GALR1: variants seen among roughly 807,000 people sequenced by gnomAD.
The protein encoded by GALR1 is galanin receptor 1.
In GALR1, 11 loss-of-function variants were observed where a neutral mutation model predicts 17.9. That is an observed-to-expected ratio of 0.62 (90% CI 0.39 to 1.02). The LOEUF (loss-of-function observed/expected upper bound fraction) is 1.02, where lower values mean the gene tolerates loss of function less well. Ranked by LOEUF, GALR1 falls within the 50% of genes least tolerant of loss-of-function variation. GALR1 has a pLI of 0.01. For synonymous variants in GALR1, 206 were observed against 205.7 expected (o/e 1.00, Z -0.01); for missense variants, 441 against 456.9 (o/e 0.97, Z 0.32).
chr18:77,258,749 G>C (rs922009894), intron 2 of GALR1, among the ~76,000 whole-genome samples: 2 of 144,650 alleles, frequency 1.4e-5, no homozygotes, highest in Non-Finnish European at 3.0e-5. Context: ...GATGGTTATG[G>C]TGGTGATGAT....
At position 77,250,354 on chromosome 18, in the gene GALR1, C is replaced by A. The variant is rs911403855; in HGVS notation, c.-195C>A. On this transcript the variant is annotated 5_prime_UTR_variant, in exon 1 of 3. Transcript: ENST00000299727. Reference sequence around the variant, plus strand: ...CCGAACCCACCCTCTCTCAGAAGGTCCCGGCGCAAAGACGGTGCCACCAGG... The same window carrying A: ...CCGAACCCACCCTCTCTCAGAAGGTACCGGCGCAAAGACGGTGCCACCAGG... 6.6e-6 allele frequency among the ~76,000 whole-genome samples: 1 copy of A among 152,182 alleles called. No homozygotes were observed. Among genetic ancestry groups the A allele is most frequent in the Non-Finnish European group, 1.5e-5 (1 of 68,012 alleles).
chr18:77,252,914 C>CCACCACCATCACCACCACCACCAT (rs1912473651), intron 1 of GALR1, among the ~76,000 whole-genome samples: 2 of 37,436 alleles, frequency 5.3e-5, no homozygotes, highest in Non-Finnish European at 1.3e-4. Context: ...ACCACCACCA[C>CCACCACCATCACCACCACCACCAT]CACCACCATC....
At chr18:77,255,549 C>T (rs1049763552) in intron 1 of GALR1, among the ~76,000 whole-genome samples, 1 of 152,048 alleles carries the variant, frequency 6.6e-6, no homozygotes, top group Non-Finnish European at 1.5e-5. Context: ...GGTGATTTGC[C>T]ATACGGAGAA....
intron 2 of GALR1, 60 bp from the exon 3 acceptor site, chr18:77,268,522 CCTT>C (rs1466997711): frequency 2.1e-5 from 23 of 1,083,972 alleles, no homozygotes; most frequent in South Asian, 8.9e-5. Flanking sequence ...GAATTTCCTT[CCTT>C]CTTCTTCTCC....
In GALR1 at chr18:77,249,969, G is replaced by T. The variant is rs1462918433; in HGVS notation, c.-580G>T. 6.6e-6 allele frequency among the ~76,000 whole-genome samples: 1 copy of T among 152,238 alleles called. No individual in the cohort carries two copies. Among genetic ancestry groups the T allele is most frequent in the Non-Finnish European group, 1.5e-5 (1 of 68,038 alleles). On this transcript the variant is annotated 5_prime_UTR_variant, in exon 1 of 3. Transcript: ENST00000299727. ...CGGAATCCCTGGAAAAGCCGGGAGG[G>T]AGTCGGAGGCGCCAGCCCACTGGGG...
In GALR1 at chr18:77,269,099, A is replaced by C. The variant is rs1278825899; in HGVS notation, c.*197A>C. On this transcript the variant is annotated 3_prime_UTR_variant, in exon 3 of 3. Coordinates refer to ENST00000299727, the MANE Select transcript of GALR1 (RefSeq NM_001480.4). ...CTAGGTCTAGTGAGAATTATTTTTCAATTTTATTTTAGTTCTAAATTATGT... is the reference window on the plus strand; with the variant it reads ...CTAGGTCTAGTGAGAATTATTTTTCCATTTTATTTTAGTTCTAAATTATGT... 2.1e-5 allele frequency: 12 copies of C among 564,942 alleles called. No homozygotes were observed. Among genetic ancestry groups the C allele is most frequent in the South Asian group, 1.2e-4 (5 of 42,906 alleles). The allele number at this position is 564,942 out of a possible 1,614,324, so 35.0% of individuals were successfully genotyped here. A position where few individuals can be genotyped will look rare whatever the true frequency, so the allele number is the denominator to read the frequency against.
intron 1 of GALR1, among the ~76,000 whole-genome samples, chr18:77,252,837 C>T (rs1014551039): frequency 1.1e-4 from 16 of 146,500 alleles, no homozygotes; most frequent in East Asian, 2.0e-4. Context: ...GACAACGGAG[C>T]GAGACTCTGT....
At position 77,251,129 on chromosome 18, in the gene GALR1, C is replaced by G; in HGVS notation, c.581C>G (p.Pro194Arg). ...TTCTGCTGGGAGCAGTGGCCCGACC[C>G]TCGCCACAAGAAGGCCTACGTGGTG... ...QTFCWEQWPD[P>R]RHKKAYVVCT... Residue 194 changes from proline (P) to arginine (R), a missense_variant, in exon 1 of 3, where the codon CCT (proline) becomes CGT (arginine). Coordinates refer to ENST00000299727, the MANE Select transcript of GALR1 (RefSeq NM_001480.4). 8 of 1,613,120 alleles carry G rather than the reference C, an allele frequency of 5.0e-6. No individual in the cohort carries two copies. The highest frequency in any genetic ancestry group is 6.8e-6 in the Non-Finnish European group (8 of 1,179,938).
chr18:77,258,340 C>T (rs977459059), intron 2 of GALR1, among the ~76,000 whole-genome samples: 29 of 152,272 alleles, frequency 1.9e-4, no homozygotes, highest in Admixed American at 4.6e-4. Context: ...TTTTCTTTTT[C>T]GTTTTCACAG....
rs113914043 is a variant in GALR1 at position 77,274,448 on chromosome 18, C to G, written c.*5546C>G. On this transcript the variant is annotated 3_prime_UTR_variant, in exon 3 of 3. Coordinates refer to ENST00000299727, the MANE Select transcript of GALR1 (RefSeq NM_001480.4). ...CTGTGTAAGTGTCGTTCCCCTAGGACTTCTGCAATGGGATACCAAAGATGA... is the reference window on the plus strand; with the variant it reads ...CTGTGTAAGTGTCGTTCCCCTAGGAGTTCTGCAATGGGATACCAAAGATGA... 0.014 allele frequency: 2,185 copies of G among 152,374 alleles called. 32 individuals carry two copies. Among genetic ancestry groups the G allele is most frequent in the Middle Eastern group, 0.034 (10 of 294 alleles). The allele number at this position is 152,374 out of a possible 1,614,324, so 9.4% of individuals were successfully genotyped here. A position where few individuals can be genotyped will look rare whatever the true frequency, so the allele number is the denominator to read the frequency against.
In GALR1 at chr18:77,250,601, C is replaced by A. The variant is rs1475559386; in HGVS notation, c.53C>A (p.Pro18His). 1.1e-5 allele frequency: 17 copies of A among 1,557,536 alleles called. No homozygotes were observed. The highest frequency in any genetic ancestry group is 2.4e-5 in the East Asian group (1 of 41,732). Residue 18 changes from proline (P) to histidine (H), a missense_variant, in exon 1 of 3, where the codon CCC becomes CAC. Physicochemically the swap from Pro to His is moderately conservative, Grantham distance 77. Coordinates refer to ENST00000299727, the MANE Select transcript of GALR1 (RefSeq NM_001480.4). ...GAGGGCAACGCGAGCTGGCCGGAGC[C>A]CCCCGCCCCGGAGCCCGGGCCGCTG... ...LSEGNASWPE[P>H]PAPEPGPLFG... is the part of the protein sequence containing the mutation.
chr18:77,255,638 C>A (rs551491595), intron 1 of GALR1, among the ~76,000 whole-genome samples: 9 of 152,222 alleles, frequency 5.9e-5, no homozygotes, highest in Non-Finnish European at 1.3e-4. Flanking sequence ...GTTGGCTGCA[C>A]TGAAGAAATG....
intron 2 of GALR1, among the ~76,000 whole-genome samples, chr18:77,260,990 A>G (rs1599361175): frequency 1.3e-5 from 1 of 75,938 alleles, no homozygotes; most frequent in Non-Finnish European, 2.7e-5. Context: ...TCATTTATAC[A>G]ATTTGTGAGG....
At chr18:77,261,367 C>T (rs748707833) in intron 2 of GALR1, among the ~76,000 whole-genome samples, 3 of 152,260 alleles carry the variant, frequency 2.0e-5, no homozygotes, top group Admixed American at 6.5e-5. Flanking sequence ...CTGACGGAGA[C>T]GGAGGACCCT....
rs1415754993 is a variant in GALR1, at chr18:77,274,204, A to G, written c.*5302A>G. ...AAACAAGCTCACTTGTTTTTGGGCA[A>G]TCTAGCCAAGGTGTCACATAATGGA... On this transcript the variant is annotated 3_prime_UTR_variant, in exon 3 of 3. Transcript: ENST00000299727. The G allele has an allele frequency of 6.6e-6, 1 of 151,982 alleles. No individual in the cohort carries two copies. The highest frequency in any genetic ancestry group is 1.5e-5 in the Non-Finnish European group (1 of 68,008). The allele number at this position is 151,982 out of a possible 1,614,324, so 9.4% of individuals were successfully genotyped here. A position where few individuals can be genotyped will look rare whatever the true frequency, so the allele number is the denominator to read the frequency against.
intron 1 of GALR1, among the ~76,000 whole-genome samples, chr18:77,255,214 G>C (rs559529716): frequency 6.6e-6 from 1 of 152,318 alleles, no homozygotes; most frequent in African/African-American, 2.4e-5. Flanking sequence ...CCTCAGATGG[G>C]ATATAGCAAT....
chr18:77,252,842 C>A (rs1912450836), intron 1 of GALR1, among the ~76,000 whole-genome samples: 2 of 141,088 alleles, frequency 1.4e-5, no homozygotes, highest in South Asian at 2.3e-4. Context: ...CGGAGCGAGA[C>A]TCTGTCTCAA....
In GALR1 at chr18:77,270,528, A is replaced by ATATGTGTGTG. The variant is rs1555673470; in HGVS notation, c.*1627_*1628insATGTGTGTGT. On this transcript the variant is annotated 3_prime_UTR_variant, in exon 3 of 3. Coordinates refer to ENST00000299727, the MANE Select transcript of GALR1 (RefSeq NM_001480.4). ...GACTCTGTCTAAAATATATATATAT[A>ATATGTGTGTG]TGTGTGTGTGTGTGTGTGTGTGTGT... 9.8e-5 allele frequency: 14 copies of ATATGTGTGTG among 143,108 alleles called. No individual in the cohort carries two copies. The highest frequency in any genetic ancestry group is 7.6e-5 in the Non-Finnish European group (5 of 65,572). 8.9% of individuals were successfully genotyped at this position (143,108 alleles called of 1,614,324 possible).
At chr18:77,262,493 T>C (rs1230432252) in intron 2 of GALR1, among the ~76,000 whole-genome samples, 1 of 152,184 alleles carries the variant, frequency 6.6e-6, no homozygotes, top group Non-Finnish European at 1.5e-5. Context: ...CATCTACTGT[T>C]TTCAACCATG....
Sources: gnomAD v4.1 joint callset for allele counts (sites outside exome capture counted in the v4.1 genomes callset) on GRCh38, gnomAD v4.1.1 for gene constraint, MANE v1.5 for transcripts, NCBI Gene and HGNC (gene_info 2026-07-23, HGNC 2026-07-21) for gene names.